The following COL28A1 variants were observed in gnomAD, a reference collection of about 807,000 sequenced individuals.
COL28A1 encodes collagen alpha-1(XXVIII) chain.
A neutral mutation model predicts 150.2 loss-of-function variants in COL28A1; 161 were observed. The ratio of observed to expected loss-of-function variants is 1.07; its 90% CI spans 0.94 to 1.22. The LOEUF is 1.22. COL28A1 is among the 50% of genes most tolerant of loss of function. COL28A1 has a pLI of 0.00. For missense variants in COL28A1, 1,617 were observed against 1,388.3 expected, an observed-to-expected ratio of 1.16 and a Z score of -2.62; for synonymous variants, 552 against 469.7, an observed-to-expected ratio of 1.18 and a Z score of -2.26.
chr7:7,374,024 TAAAAA>T (rs1188442971), intron 31 of COL28A1, among the ~76,000 whole-genome samples: 3 of 116,328 alleles, frequency 2.6e-5, no homozygotes, highest in Non-Finnish European at 3.2e-5. Context: ...ACTTGACTCT[TAAAAA>T]AAAAAAAAAA....
chr7:7,392,698 T>G (rs1427268732), intron 27 of COL28A1, among the ~76,000 whole-genome samples: 1 of 152,236 alleles, frequency 6.6e-6, no homozygotes, highest in Non-Finnish European at 1.5e-5. Context: ...TCTCTAATCT[T>G]GTCTTCATGC....
intron 18 of COL28A1, among the ~76,000 whole-genome samples, chr7:7,447,210 C>T (rs1317893983): frequency 6.6e-6 from 1 of 152,078 alleles, no homozygotes; most frequent in African/African-American, 2.4e-5. Flanking sequence ...AACTAAAAAA[C>T]ATCCAAGAAC....
At position 7,502,732 on chromosome 7, in the gene COL28A1, C is replaced by T. The variant is rs1001362481; in HGVS notation, c.1026+3282G>A. Reference sequence around the variant, plus strand: ...TTTTTTTTTGAGACGGAGTCTTGCTCTGTCGCCCAGGCTGGAGTGCAGTGG... The same window carrying T: ...TTTTTTTTTGAGACGGAGTCTTGCTTTGTCGCCCAGGCTGGAGTGCAGTGG... On this transcript the variant is annotated intron_variant, in intron 11 of 34. Coordinates refer to ENST00000399429, the MANE Select transcript of COL28A1 (RefSeq NM_001037763.3). 7.4e-4 allele frequency among the ~76,000 whole-genome samples: 26 copies of T among 35,254 alleles called. 4 individuals carry two copies. The highest frequency in any genetic ancestry group is 1.0e-3 in the Non-Finnish European group (26 of 24,914). 23.1% of individuals were successfully genotyped at this position (35,254 alleles called of 152,430 possible). A position where few individuals can be genotyped will look rare whatever the true frequency, so the allele number is the denominator to read the frequency against.
intron 25 of COL28A1, among the ~76,000 whole-genome samples, chr7:7,420,893 C>G (rs554701842): frequency 1.3e-5 from 2 of 152,294 alleles, no homozygotes; most frequent in African/African-American, 4.8e-5. Context: ...AAAACAGGAA[C>G]CCTCATAATT....
intron 13 of COL28A1, among the ~76,000 whole-genome samples, chr7:7,488,062 G>A (rs1779723757): frequency 6.6e-6 from 1 of 152,248 alleles, no homozygotes; most frequent in East Asian, 1.9e-4. Flanking sequence ...CTGACTTCAA[G>A]TTATAAAGAA....
chr7:7,491,954 C>T (rs944371892), intron 11 of COL28A1, among the ~76,000 whole-genome samples: 10 of 152,110 alleles, frequency 6.6e-5, no homozygotes, highest in East Asian at 1.9e-4. Flanking sequence ...TATAAAATTT[C>T]GGTGTATTTC....
chr7:7,352,704 G>C (rs544851978), downstream of COL28A1, among the ~76,000 whole-genome samples: 1 of 152,272 alleles, frequency 6.6e-6, no homozygotes, highest in African/African-American at 2.4e-5. Flanking sequence ...TTTGATTTTA[G>C]CCCAGTGAGA....
At chr7:7,362,353 ATTTG>A (rs1023896088) in intron 33 of COL28A1, among the ~76,000 whole-genome samples, 1 of 86,796 alleles carries the variant, frequency 1.2e-5, no homozygotes, top group Non-Finnish European at 2.5e-5. Context: ...AGTTTCTCTT[ATTTG>A]TTTGTTTGCA....
intron 3 of COL28A1, among the ~76,000 whole-genome samples, chr7:7,530,934 T>C (rs1322589152): frequency 1.3e-5 from 2 of 152,100 alleles, no homozygotes; most frequent in Admixed American, 6.6e-5. Flanking sequence ...CAAGATTATG[T>C]CAAAAATACC....
At chr7:7,365,464 A>G (rs1437975829) in intron 33 of COL28A1, among the ~76,000 whole-genome samples, 7 of 152,148 alleles carry the variant, frequency 4.6e-5, no homozygotes, top group Admixed American at 3.9e-4. Context: ...CAGACGTGTT[A>G]TCACCATTCT....
intron 27 of COL28A1, among the ~76,000 whole-genome samples, chr7:7,402,619 GC>G (rs1310418574): frequency 6.6e-6 from 1 of 152,102 alleles, no homozygotes; most frequent in East Asian, 1.9e-4. Flanking sequence ...AAATATCAAG[GC>G]AAAACACTAA....
chr7:7,479,076 G>A (rs1018483538), intron 13 of COL28A1, among the ~76,000 whole-genome samples: 9 of 152,216 alleles, frequency 5.9e-5, no homozygotes, highest in South Asian at 2.1e-4. Flanking sequence ...TGAGGGCTGC[G>A]AGGGCTGCCA....
At chr7:7,540,534 T>C (rs1782765843), upstream of COL28A1, among the ~76,000 whole-genome samples, 1 of 152,234 alleles carries the variant, frequency 6.6e-6, no homozygotes, top group Admixed American at 6.5e-5. Flanking sequence ...GTCAAATCAT[T>C]AATCAGTGAG....
At position 7,531,782 on chromosome 7, in the gene COL28A1, G is replaced by T. The variant is rs181830476; in HGVS notation, c.247C>A (p.Pro83Thr). 6.2e-7 allele frequency: 1 copy of T among 1,604,260 alleles called. No homozygotes were observed. Among genetic ancestry groups the T allele is most frequent in the Admixed American group, 1.7e-5 (1 of 60,002 alleles). The change falls in exon 3 of 35, where the codon CCT (proline) becomes ACT (threonine). Residue 83 changes from proline (P) to threonine (T), a missense_variant. Coordinates refer to ENST00000399429, the MANE Select transcript of COL28A1 (RefSeq NM_001037763.3). ...SLSDKIFQLT[P>T]GRSLEYDIKL... Reference sequence around the variant, plus strand: ...ATGTCATATTCCAAGGAGCGACCAGGAGTCAATTGGAAAATCTTGTCACTC... The same window carrying T: ...ATGTCATATTCCAAGGAGCGACCAGTAGTCAATTGGAAAATCTTGTCACTC...
At chr7:7,374,801 G>A (rs1781456981) in intron 31 of COL28A1, among the ~76,000 whole-genome samples, 1 of 152,128 alleles carries the variant, frequency 6.6e-6, no homozygotes, top group Non-Finnish European at 1.5e-5. Flanking sequence ...GGAATAAGCT[G>A]GTTCTGGGAT....
intron 11 of COL28A1, among the ~76,000 whole-genome samples, chr7:7,499,170 TTTAA>T (rs1435924106): frequency 5.3e-5 from 8 of 152,184 alleles, no homozygotes; most frequent in Admixed American, 5.2e-4. Flanking sequence ...ATTCTTTCCC[TTTAA>T]TTAGGCCCAG....
chr7:7,352,868 C>T (rs2128274932), downstream of COL28A1, among the ~76,000 whole-genome samples: 1 of 152,304 alleles, frequency 6.6e-6, no homozygotes, highest in South Asian at 2.1e-4. Context: ...CGTCAGTGTG[C>T]AGAATGGAGG....
chr7:7,352,216 T>A (rs575967834), downstream of COL28A1, among the ~76,000 whole-genome samples: 118 of 152,178 alleles, frequency 7.8e-4, no homozygotes, highest in Non-Finnish European at 1.5e-3. Flanking sequence ...TGAGTTCAAT[T>A]TTTAATTTAT....
upstream of COL28A1, among the ~76,000 whole-genome samples, chr7:7,539,246 G>A (rs1782745274): frequency 6.6e-6 from 1 of 152,208 alleles, no homozygotes; most frequent in Non-Finnish European, 1.5e-5. Context: ...CATGACACCA[G>A]CATCTGCTTC....
Sources: gnomAD v4.1 joint callset for allele counts (sites outside exome capture counted in the v4.1 genomes callset) on GRCh38, gnomAD v4.1.1 for gene constraint, MANE v1.5 for transcripts, NCBI Gene and HGNC (gene_info 2026-07-23, HGNC 2026-07-21) for gene names.